Variants in TRIM37 observed in about 807,000 individuals in gnomAD.
The protein encoded by TRIM37 is tripartite motif containing 37.
Under a neutral mutation model 129.8 loss-of-function variants are expected in TRIM37, and 80 were observed. The ratio of observed to expected loss-of-function variants is 0.62; its 90% confidence interval spans 0.51 to 0.74. TRIM37 has a LOEUF of 0.74. Among genes scored for constraint, TRIM37 ranks in the 30% least tolerant of loss-of-function variants. The probability of loss-of-function intolerance (pLI) is 0.00; values close to 1 mark genes in which losing one functional copy is unlikely to be tolerated. For missense variants in TRIM37, 1,054 were observed against 1,176.5 expected (o/e 0.90, Z 1.52); for synonymous variants, 389 against 387.1 (o/e 1.00, Z -0.06).
At chr17:58,973,278 G>A in the TRIM37 span, among the ~76,000 whole-genome samples, 3 of 151,860 alleles carry the variant, frequency 2.0e-5, no homozygotes, top group South Asian at 2.1e-4. Flanking sequence ...TTAGCCAGGC[G>A]TGGTGGCGGG....
At chr17:58,987,174 A>C (rs950618222) in intron 24 of TRIM37, among the ~76,000 whole-genome samples, 20 of 152,218 alleles carry the variant, frequency 1.3e-4, no homozygotes, top group African/African-American at 4.8e-4. Context: ...GTCAAGAATG[A>C]TACACATTTG....
intron 2 of TRIM37, 36 bp from the exon 3 acceptor site, chr17:59,091,376 C>T: frequency 7.7e-7 from 1 of 1,297,256 alleles, no homozygotes; most frequent in Non-Finnish European, 1.1e-6. Flanking sequence ...GATTAGAAAA[C>T]ATCATTACTA....
At chr17:59,019,215 A>G (rs1179157961) in intron 19 of TRIM37, among the ~76,000 whole-genome samples, 2 of 152,250 alleles carry the variant, frequency 1.3e-5, no homozygotes, top group African/African-American at 4.8e-5. Context: ...TCATAGCAGC[A>G]CTACTGATAA....
chr17:59,062,514 C>T (rs2041581287), intron 11 of TRIM37, 53 bp downstream of exon 11: 1 of 1,439,618 alleles, frequency 6.9e-7, no homozygotes, highest in Non-Finnish European at 9.7e-7. Flanking sequence ...TACTACAGAA[C>T]TCTGAAAGAA....
chr17:59,017,147 AAG>A, intron 20 of TRIM37, 147 bp downstream of exon 20: 1 of 1,013,976 alleles, frequency 9.9e-7, no homozygotes, highest in East Asian at 2.6e-5. Flanking sequence ...CTGGGTGACA[AAG>A]TGAGACCCTG....
chr17:59,069,971 G>A (rs1020091269), intron 9 of TRIM37, among the ~76,000 whole-genome samples: 4 of 152,242 alleles, frequency 2.6e-5, no homozygotes, highest in South Asian at 4.1e-4. Context: ...CTTGTTTCTC[G>A]AACTGTGAGA....
At chr17:58,979,310 TAGAA>T (rs2031224171), downstream of TRIM37, among the ~76,000 whole-genome samples, 1 of 152,176 alleles carries the variant, frequency 6.6e-6, no homozygotes, top group Non-Finnish European at 1.5e-5. Flanking sequence ...CACTAAAAAA[TAGAA>T]AGCCAAGTGG....
intron 20 of TRIM37, 90 bp downstream of exon 20, chr17:59,017,206 C>A: frequency 6.7e-7 from 1 of 1,500,782 alleles, no homozygotes; most frequent in Non-Finnish European, 9.3e-7. Flanking sequence ...TTTTTGGTGC[C>A]CTTCAAGATC....
At chr17:59,061,160 C>T (rs887597646) in intron 11 of TRIM37, 52 bp from the exon 12 acceptor site, 1 of 1,411,416 alleles carries the variant, frequency 7.1e-7, no homozygotes, top group South Asian at 1.2e-5. Context: ...CACAATAAAA[C>T]AAAATGCAGA....
rs1425339181 is a variant in TRIM37 at position 59,088,398 on chromosome 17, G to C, written c.174C>G (p.Leu58=). 1 of 1,608,250 alleles carries C rather than the reference G, an allele frequency of 6.2e-7. No homozygotes were observed. The highest frequency in any genetic ancestry group is 2.2e-5 in the East Asian group (1 of 44,828). Residue 58 remains leucine (L), a synonymous_variant, in exon 4 of 24, where the codon CTC becomes CTG. Coordinates refer to ENST00000262294, the MANE Select transcript of TRIM37 (RefSeq NM_015294.6). ...RAQCPHCRAP[L]QLRELVNCRW... Reference sequence around the variant, plus strand: ...GACAATTTACTAGTTCTCGTAGCTGGAGTGGAGCACTGGGGAGAAAATCCA... The same window carrying C: ...GACAATTTACTAGTTCTCGTAGCTGCAGTGGAGCACTGGGGAGAAAATCCA...
rs1288675640 is a variant in TRIM37 at position 59,072,450 on chromosome 17, G to A, written c.685-1503C>T. On this transcript the variant is annotated intron_variant, in intron 8 of 23. Coordinates refer to ENST00000262294, the MANE Select transcript of TRIM37 (RefSeq NM_015294.6). ...ACCAAAAATAACATATCATATGGCTGGGCACAATAGCTCACACCTGTAATC... is the reference window on the plus strand; with the variant it reads ...ACCAAAAATAACATATCATATGGCTAGGCACAATAGCTCACACCTGTAATC... Among the ~76,000 whole-genome samples, 3 of 152,038 alleles carry A rather than the reference G, an allele frequency of 2.0e-5. No individual in the cohort carries two copies. The East Asian group carries it at 5.8e-4, about 29-fold the overall frequency.
intron 19 of TRIM37, among the ~76,000 whole-genome samples, chr17:59,019,802 T>A (rs1223760516): frequency 6.6e-6 from 1 of 152,096 alleles, no homozygotes; most frequent in Non-Finnish European, 1.5e-5. Context: ...GGGAACGACT[T>A]TTAATGGGTT....
At chr17:58,969,662 G>A in the TRIM37 span, 2 of 1,614,142 alleles carry the variant, frequency 1.2e-6, no homozygotes, top group Non-Finnish European at 1.7e-6. Context: ...CCATGATCCT[G>A]CTGAGGCCCT....
At chr17:59,071,449 G>A (rs2042359031) in intron 8 of TRIM37, among the ~76,000 whole-genome samples, 1 of 151,812 alleles carries the variant, frequency 6.6e-6, no homozygotes, top group African/African-American at 2.4e-5. Context: ...CCATACCCAG[G>A]TAATTTTTGT....
At chr17:59,085,043 C>T (rs776084970) in intron 4 of TRIM37, among the ~76,000 whole-genome samples, 21 of 152,070 alleles carry the variant, frequency 1.4e-4, no homozygotes, top group Admixed American at 3.3e-4. Flanking sequence ...AACTACAGGC[C>T]GGGTGCAGCG....
At chr17:59,025,381 T>G (rs34941454) in intron 19 of TRIM37, among the ~76,000 whole-genome samples, 36,551 of 150,728 alleles carry the variant, frequency 0.24, 4,725 homozygotes, top group African/African-American at 0.33. Context: ...CCATGAATAT[T>G]ATTATTAATT....
intron 22 of TRIM37, among the ~76,000 whole-genome samples, chr17:59,005,070 C>T (rs1374364898): frequency 6.6e-6 from 1 of 152,114 alleles, no homozygotes; most frequent in African/African-American, 2.4e-5. Flanking sequence ...CACCTTGTGG[C>T]CCTTCATGGA....
At chr17:58,976,991 T>A in the TRIM37 span, among the ~76,000 whole-genome samples, 1 of 152,212 alleles carries the variant, frequency 6.6e-6, no homozygotes, top group East Asian at 1.9e-4. Context: ...GGATTTTATT[T>A]ATTATTTATT....
At chr17:59,014,400 C>T (rs1016745221) in intron 21 of TRIM37, among the ~76,000 whole-genome samples, 6 of 152,110 alleles carry the variant, frequency 3.9e-5, no homozygotes, top group African/African-American at 1.4e-4. Flanking sequence ...GGCTAATCAT[C>T]TGCCACATCC....
Sources: gnomAD v4.1 joint callset for allele counts (sites outside exome capture counted in the v4.1 genomes callset) on GRCh38, gnomAD v4.1.1 for gene constraint, MANE v1.5 for transcripts, NCBI Gene and HGNC (gene_info 2026-07-23, HGNC 2026-07-21) for gene names.